The following SUPT3H variants were observed in gnomAD, a reference collection of about 807,000 sequenced individuals.
SUPT3H encodes SPT3 homolog, SAGA and STAGA complex component.
Under a neutral mutation model 44.3 loss-of-function variants are expected in SUPT3H, and 44 were observed. The ratio of observed to expected loss-of-function variants is 0.99; its 90% CI spans 0.78 to 1.28. The LOEUF is 1.28. Ranked by LOEUF, SUPT3H falls within the 50% of genes most tolerant of loss-of-function variation. SUPT3H has a pLI of 0.00. For missense variants in SUPT3H, 380 were observed against 387.1 expected, an observed-to-expected ratio of 0.98 and a Z score of 0.15; for synonymous variants, 124 against 125.6, an observed-to-expected ratio of 0.99 and a Z score of 0.09.
At chr6:44,999,568 G>A (rs1781739856) in intron 6 of SUPT3H, among the ~76,000 whole-genome samples, 1 of 151,956 alleles carries the variant, frequency 6.6e-6, no homozygotes, top group African/African-American at 2.4e-5. Context: ...AGAGACCCAT[G>A]GAATCCTTGG....
chr6:45,312,310 C>T (rs1784073013), intron 2 of SUPT3H, among the ~76,000 whole-genome samples: 2 of 151,792 alleles, frequency 1.3e-5, no homozygotes, highest in Non-Finnish European at 2.9e-5. Context: ...AGATCAAGAC[C>T]ATCCTGGCCC....
At chr6:45,137,651 TAATG>T (rs1284856642) in intron 2 of SUPT3H, among the ~76,000 whole-genome samples, 2 of 151,612 alleles carry the variant, frequency 1.3e-5, no homozygotes, top group Non-Finnish European at 3.0e-5. Flanking sequence ...GAAATAATAA[TAATG>T]AATGAACAGA....
At chr6:44,967,468 A>G (rs866240043) in intron 6 of SUPT3H, among the ~76,000 whole-genome samples, 32 of 152,216 alleles carry the variant, frequency 2.1e-4, no homozygotes, top group African/African-American at 5.3e-4. Flanking sequence ...GTTAATCTGA[A>G]TTTTCAGTGA....
Position 45,365,255 on chromosome 6 carries a change from C to T in SUPT3H, c.47G>A (p.Ser16Asn). 1.2e-6 allele frequency: 2 copies of T among 1,612,570 alleles called. No individual in the cohort carries two copies. The highest frequency in any genetic ancestry group is 1.7e-6 in the Non-Finnish European group (2 of 1,179,224). The change falls in exon 2 of 11, where the codon AGT becomes AAT. Residue 16 changes from serine (S) to asparagine (N), a missense_variant. Coordinates refer to ENST00000371459, the MANE Select transcript of SUPT3H (RefSeq NM_003599.4). ...TATAGACTTCCCTGTACTCCTTCCA[C>T]TACTTGAAGTTGCAGTAGACATTGG... ...ASPMSTATSS[S>N]GRSTGKSISF...
intron 2 of SUPT3H, among the ~76,000 whole-genome samples, chr6:45,178,197 T>C (rs1182722941): frequency 6.6e-6 from 1 of 152,048 alleles, no homozygotes; most frequent in Admixed American, 6.6e-5. Context: ...GAGACACACA[T>C]AGGCTCAAAT....
intron 2 of SUPT3H, among the ~76,000 whole-genome samples, chr6:45,171,680 C>G (rs1289727063): frequency 6.7e-6 from 1 of 148,434 alleles, no homozygotes; most frequent in Non-Finnish European, 1.5e-5. Flanking sequence ...AAATCATTCC[C>G]TTCTGGTAAG....
intron 4 of SUPT3H, among the ~76,000 whole-genome samples, chr6:45,018,983 C>T (rs1007275060): frequency 6.6e-6 from 1 of 151,902 alleles, no homozygotes; most frequent in African/African-American, 2.4e-5. Context: ...GTCCTGGACT[C>T]TTTTTGGTTG....
intron 2 of SUPT3H, among the ~76,000 whole-genome samples, chr6:45,227,059 A>G (rs949647067): frequency 6.6e-6 from 1 of 150,694 alleles, no homozygotes; most frequent in African/African-American, 2.4e-5. Flanking sequence ...AGGTTTTGCT[A>G]TTCTCAAACT....
At chr6:44,981,662 A>G (rs553087521) in intron 6 of SUPT3H, among the ~76,000 whole-genome samples, 1 of 152,272 alleles carries the variant, frequency 6.6e-6, no homozygotes, top group Admixed American at 6.5e-5. Flanking sequence ...CCTCTAACAC[A>G]AGATGGGACT....
intron 6 of SUPT3H, among the ~76,000 whole-genome samples, chr6:44,986,696 T>C (rs1050305943): frequency 6.6e-6 from 1 of 152,136 alleles, no homozygotes; most frequent in Non-Finnish European, 1.5e-5. Context: ...ATACTAAAGA[T>C]ATTTTCATTA....
chr6:45,212,153 C>CT (rs1409154836), intron 2 of SUPT3H, among the ~76,000 whole-genome samples: 1 of 152,054 alleles, frequency 6.6e-6, no homozygotes, highest in East Asian at 1.9e-4. Context: ...GAGCAAGACT[C>CT]TGTCTCAAAA....
intron 10 of SUPT3H, among the ~76,000 whole-genome samples, chr6:44,846,700 T>C (rs1011943995): frequency 6.6e-6 from 1 of 152,048 alleles, no homozygotes; most frequent in Non-Finnish European, 1.5e-5. Flanking sequence ...GGCGCAATAC[T>C]GGCTCACTGC....
At chr6:45,064,372 C>T (rs1392741521) in intron 3 of SUPT3H, among the ~76,000 whole-genome samples, 1 of 145,874 alleles carries the variant, frequency 6.9e-6, no homozygotes, top group Non-Finnish European at 1.5e-5. Flanking sequence ...AATGTAAAGA[C>T]CATCGAGACT....
At chr6:44,880,610 T>C (rs12207620) in intron 10 of SUPT3H, among the ~76,000 whole-genome samples, 52,026 of 151,890 alleles carry the variant, frequency 0.34, 9,695 homozygotes, top group Admixed American at 0.42. Context: ...AAGAGCAACT[T>C]CAAGACACAT....
Position 44,828,690 on chromosome 6 carries a change from TGAGCAGTATCAAGAAAAAG to T in SUPT3H, c.*1107_*1125del, listed in dbSNP as rs1473702382. 5.3e-5 allele frequency: 8 copies of T among 152,278 alleles called. No homozygotes were observed. In the South Asian group the frequency reaches 1.2e-3, roughly 24 times the overall value. The allele number at this position is 152,278 out of a possible 1,614,324, so 9.4% of individuals were successfully genotyped here. ...CAGTATCAAGAGAGGCTTGCTCTCT[TGAGCAGTATCAAGAAAAAG>T]GAGCAGTATCAAGAAAAAGATCTTT... On this transcript the variant is annotated 3_prime_UTR_variant, in exon 11 of 11. Coordinates refer to ENST00000371459, the MANE Select transcript of SUPT3H (RefSeq NM_003599.4).
chr6:44,866,627 G>A (rs922006774), intron 10 of SUPT3H, among the ~76,000 whole-genome samples: 2 of 152,096 alleles, frequency 1.3e-5, no homozygotes, highest in African/African-American at 4.8e-5. Context: ...ATTAGGTTTG[G>A]TCTTTTTCTG....
At chr6:44,911,227 T>C (rs555967975) in intron 10 of SUPT3H, among the ~76,000 whole-genome samples, 15 of 151,140 alleles carry the variant, frequency 9.9e-5, no homozygotes, top group African/African-American at 3.7e-4. Context: ...TTAGTGCATC[T>C]TCTTTTGTCT....
At chr6:44,924,939 C>A (rs184556593) in intron 10 of SUPT3H, among the ~76,000 whole-genome samples, 99 of 152,116 alleles carry the variant, frequency 6.5e-4, no homozygotes, top group African/African-American at 2.0e-3. Context: ...ATTTAATTTT[C>A]CAGGTTGAAC....
At position 44,842,880 on chromosome 6, in the gene SUPT3H, G is replaced by A. The variant is rs117206614; in HGVS notation, c.913-13023C>T. Among the ~76,000 whole-genome samples, 372 of 151,780 alleles carry A rather than the reference G, an allele frequency of 2.5e-3. 15 individuals are homozygous for A. The East Asian group carries it at 0.064, about 26-fold the overall frequency. ...AATGTTAATGATGTCACTTGTTTTCGGTGGGAGCAAAAAGACATTGCTCAA... is the reference window on the plus strand; with the variant it reads ...AATGTTAATGATGTCACTTGTTTTCAGTGGGAGCAAAAAGACATTGCTCAA... On this transcript the variant is annotated intron_variant, in intron 10 of 10. Transcript: ENST00000371459.
Sources: gnomAD v4.1 joint callset for allele counts (sites outside exome capture counted in the v4.1 genomes callset) on GRCh38, gnomAD v4.1.1 for gene constraint, MANE v1.5 for transcripts, NCBI Gene and HGNC (gene_info 2026-07-23, HGNC 2026-07-21) for gene names.